Variants in WWOX observed in about 807,000 individuals in gnomAD.
WWOX encodes WW domain-containing oxidoreductase.
In WWOX, 69 loss-of-function variants were observed where a neutral mutation model predicts 46.2. The ratio of observed to expected loss-of-function variants is 1.49; its 90% CI spans 1.23 to 1.82. The LOEUF is 1.82. WWOX is among the 40% of genes most tolerant of loss of function. The probability of loss-of-function intolerance (pLI) is 0.00; values close to 1 mark genes in which losing one functional copy is unlikely to be tolerated. For synonymous variants in WWOX, 359 were observed against 202.6 expected (o/e 1.77, Z -6.56); for missense variants, 919 against 542.6 (o/e 1.69, Z -6.89).
intron 8 of WWOX, among the ~76,000 whole-genome samples, chr16:78,582,715 G>C (rs1487087342): frequency 1.3e-5 from 2 of 152,172 alleles, no homozygotes; most frequent in Admixed American, 1.3e-4. Flanking sequence ...AACTTGTTAT[G>C]CATAGGGTTG....
At chr16:78,856,238 G>A (rs540128541) in intron 8 of WWOX, among the ~76,000 whole-genome samples, 18 of 152,292 alleles carry the variant, frequency 1.2e-4, no homozygotes, top group Middle Eastern at 6.8e-3. Context: ...CAGGGACTGC[G>A]TTGGAAAGGG....
chr16:78,431,188 G>A (rs189963953), intron 7 of WWOX, among the ~76,000 whole-genome samples: 72 of 152,310 alleles, frequency 4.7e-4, no homozygotes, highest in African/African-American at 1.7e-3. Context: ...TAACGACTCC[G>A]TCAGACCCAA....
intron 8 of WWOX, among the ~76,000 whole-genome samples, chr16:78,529,559 C>G (rs183994430): frequency 1.3e-5 from 2 of 152,140 alleles, no homozygotes; most frequent in South Asian, 2.1e-4. Flanking sequence ...CTCCGCCTCT[C>G]GAGTTCAAGC....
rs9319531 is a variant in WWOX at position 78,957,717 on chromosome 16, G to T, written c.1057-253891G>T. On this transcript the variant is annotated intron_variant, in intron 8 of 8. Coordinates refer to ENST00000566780, the MANE Select transcript of WWOX (RefSeq NM_016373.4). Reference sequence around the variant, plus strand: ...TTGATTTATGTATGTGAACCTCTCCGTTAGGAGAAGAACTTTTCTTTGGCA... The same window carrying T: ...TTGATTTATGTATGTGAACCTCTCCTTTAGGAGAAGAACTTTTCTTTGGCA... Among the ~76,000 whole-genome samples, 13 of 152,352 alleles carry T rather than the reference G, an allele frequency of 8.5e-5. No individual in the cohort carries two copies. In the South Asian group the frequency reaches 2.7e-3, roughly 32 times the overall value.
chr16:78,184,704 C>A (rs939355138), intron 5 of WWOX, among the ~76,000 whole-genome samples: 1 of 152,100 alleles, frequency 6.6e-6, no homozygotes, highest in Non-Finnish European at 1.5e-5. Flanking sequence ...TCCACTGTTA[C>A]AGTTTTTATG....
At chr16:78,829,698 C>G (rs1036421310) in intron 8 of WWOX, among the ~76,000 whole-genome samples, 19 of 152,276 alleles carry the variant, frequency 1.2e-4, no homozygotes, top group Middle Eastern at 3.4e-3. Context: ...GTTCCCCTAA[C>G]AGGTCTAGGA....
Position 78,542,557 on chromosome 16 carries a change from A to C in WWOX, c.1056+109805A>C, listed in dbSNP as rs552533711. 6.6e-5 allele frequency among the ~76,000 whole-genome samples: 10 copies of C among 152,336 alleles called. No individual in the cohort carries two copies. In the South Asian group the frequency reaches 2.1e-3, roughly 32 times the overall value. ...AACTATGCAACAGAAGCCGATGTGC[A>C]GAGGTGACCGTGTTCGCTGGAATTG... On this transcript the variant is annotated intron_variant, in intron 8 of 8. Coordinates refer to ENST00000566780, the MANE Select transcript of WWOX (RefSeq NM_016373.4).
At chr16:78,650,606 A>G (rs1366155560) in intron 8 of WWOX, among the ~76,000 whole-genome samples, 1 of 152,220 alleles carries the variant, frequency 6.6e-6, no homozygotes, top group African/African-American at 2.4e-5. Flanking sequence ...AGATTATGTA[A>G]TTAGCATATG....
At chr16:79,151,474 A>G (rs1267761284) in intron 8 of WWOX, among the ~76,000 whole-genome samples, 1 of 152,208 alleles carries the variant, frequency 6.6e-6, no homozygotes, top group Non-Finnish European at 1.5e-5. Context: ...GAGGTGGCAG[A>G]GGGAGAGGAC....
chr16:78,624,689 T>G (rs2046271052), intron 8 of WWOX, among the ~76,000 whole-genome samples: 3 of 152,212 alleles, frequency 2.0e-5, no homozygotes, highest in Non-Finnish European at 4.4e-5. Context: ...GCAAGATTTT[T>G]CTCAAAGTTG....
At chr16:78,365,058 A>G (rs1299115079) in intron 5 of WWOX, among the ~76,000 whole-genome samples, 1 of 152,180 alleles carries the variant, frequency 6.6e-6, no homozygotes, top group Non-Finnish European at 1.5e-5. Flanking sequence ...TTGGGTTCAA[A>G]TTCTTTCTCC....
At chr16:78,225,314 A>T (rs1490589077) in intron 5 of WWOX, among the ~76,000 whole-genome samples, 1 of 152,224 alleles carries the variant, frequency 6.6e-6, no homozygotes, top group African/African-American at 2.4e-5. Flanking sequence ...TTATAATCTG[A>T]TGGGATCGGC....
intron 6 of WWOX, among the ~76,000 whole-genome samples, chr16:78,405,846 A>AT (rs1201259250): frequency 6.6e-6 from 1 of 152,136 alleles, no homozygotes; most frequent in Non-Finnish European, 1.5e-5. Flanking sequence ...CACTTTCCTG[A>AT]GGGCCACACA....
At chr16:79,121,474 G>T (rs1388705875) in intron 8 of WWOX, among the ~76,000 whole-genome samples, 1 of 152,182 alleles carries the variant, frequency 6.6e-6, no homozygotes, top group Admixed American at 6.5e-5. Context: ...CATGACTTGG[G>T]CATTGGTTTC....
At chr16:78,170,785 G>A (rs1382241771) in intron 5 of WWOX, among the ~76,000 whole-genome samples, 1 of 152,198 alleles carries the variant, frequency 6.6e-6, no homozygotes, top group Non-Finnish European at 1.5e-5. Flanking sequence ...TAGTCATCAG[G>A]AACAGCAAGC....
At chr16:78,779,084 C>T (rs181125217) in intron 8 of WWOX, among the ~76,000 whole-genome samples, 9 of 141,640 alleles carry the variant, frequency 6.4e-5, no homozygotes, top group Admixed American at 1.4e-4. Flanking sequence ...ATCACTCTAT[C>T]GCCTAAAATT....
At chr16:78,492,343 G>C (rs1205127328) in intron 8 of WWOX, among the ~76,000 whole-genome samples, 1 of 152,148 alleles carries the variant, frequency 6.6e-6, no homozygotes, top group Non-Finnish European at 1.5e-5. Flanking sequence ...TGGGTAAGTT[G>C]ACCCATGACA....
chr16:78,144,202 G>A (rs1410270067), intron 4 of WWOX, among the ~76,000 whole-genome samples: 1 of 151,416 alleles, frequency 6.6e-6, no homozygotes. Flanking sequence ...AATAGTTTTC[G>A]GTAGTGGCTG....
chr16:78,936,121 A>C (rs2045732283), intron 8 of WWOX, among the ~76,000 whole-genome samples: 1 of 152,052 alleles, frequency 6.6e-6, no homozygotes, highest in African/African-American at 2.4e-5. Context: ...GGTAATGATG[A>C]GTTTTGGTCT....
Sources: allele counts gnomAD v4.1 joint callset (sites outside exome capture counted in the v4.1 genomes callset), GRCh38; gene constraint gnomAD v4.1.1; transcripts MANE v1.5; gene names NCBI Gene and HGNC (gene_info 2026-07-23, HGNC 2026-07-21).